Variants in PSMC4 observed in about 807,000 individuals in gnomAD.
PSMC4 encodes the protein proteasome 26S subunit, ATPase 4.
Under a neutral mutation model 48.4 loss-of-function variants are expected in PSMC4, and 13 were observed. The observed-to-expected ratio is 0.27, with a 90% CI of 0.18 to 0.43. The LOEUF (loss-of-function observed/expected upper bound fraction) is 0.43. PSMC4 is among the 20% of genes least tolerant of loss of function. PSMC4 has a pLI of 1.00. For missense variants in PSMC4, 262 were observed against 555.9 expected, an observed-to-expected ratio of 0.47 and a Z score of 5.32; for synonymous variants, 202 against 212.3, an observed-to-expected ratio of 0.95 and a Z score of 0.42.
At chr19:39,979,551 ACT>A (rs897049318) in intron 6 of PSMC4, 5 of 283,760 alleles carry the variant, frequency 1.8e-5, no homozygotes, top group African/African-American at 8.9e-5. Flanking sequence ...ACAGAGCAAG[ACT>A]CTGTCTCCAA....
intron 6 of PSMC4, among the ~76,000 whole-genome samples, chr19:39,978,739 G>A (rs1360559163): frequency 6.6e-6 from 1 of 152,174 alleles, no homozygotes; most frequent in Admixed American, 6.6e-5. Context: ...CCAGGGTCAA[G>A]CATGGGGTGG....
intron 6 of PSMC4, among the ~76,000 whole-genome samples, chr19:39,976,684 A>AC (rs1227314111): frequency 6.0e-5 from 9 of 149,158 alleles, no homozygotes. Context: ...AATTTTTTGT[A>AC]TTTTTTAGTA....
intron 1 of PSMC4, among the ~76,000 whole-genome samples, chr19:39,971,785 G>A (rs73930677): frequency 6.6e-6 from 1 of 152,264 alleles, no homozygotes; most frequent in African/African-American, 2.4e-5. Flanking sequence ...CACTTTAACA[G>A]CCTATCTAGG....
rs1971154343 is a variant in PSMC4, at chr19:39,974,174, G to A, written c.323-120G>A. The A allele has an allele frequency of 2.3e-6, 3 of 1,305,542 alleles. No individual in the cohort carries two copies. The highest frequency in any genetic ancestry group is 3.1e-6 in the Non-Finnish European group (3 of 954,824). 80.9% of individuals were successfully genotyped at this position (1,305,542 alleles called of 1,614,324 possible). A position where few individuals can be genotyped will look rare whatever the true frequency, so the allele number is the denominator to read the frequency against. ...ACAGCAGGAGGGAAGGCTGGAGGCC[G>A]AGAGGGGACCCCTCAGGGTCTGAAC... On this transcript the variant is annotated intron_variant, in intron 3 of 10. Coordinates refer to ENST00000157812, the MANE Select transcript of PSMC4 (RefSeq NM_006503.4). This position sits in a 1 kb window ranked among gnomAD's most constrained non-coding sequence, Gnocchi z 5.5.
intron 6 of PSMC4, among the ~76,000 whole-genome samples, chr19:39,976,028 C>T (rs1432137903): frequency 6.6e-6 from 1 of 151,820 alleles, no homozygotes; most frequent in Non-Finnish European, 1.5e-5. Context: ...GTGGGAGGAT[C>T]ACGAGATCAG....
chr19:39,981,077 G>A (rs1971280143), intron 10 of PSMC4, 115 bp from the exon 11 acceptor site: 7 of 780,022 alleles, frequency 9.0e-6, no homozygotes, highest in South Asian at 4.7e-5. Flanking sequence ...GGCTGGTCTC[G>A]AACTCTTGGG....
chr19:39,972,194 T>C lies in PSMC4; in HGVS notation c.85T>C (p.Phe29Leu), dbSNP rs11542842. Residue 29 changes from phenylalanine to leucine, a missense_variant, in exon 2 of 11, where the codon TTC becomes CTC. Phe to Leu is a conservative substitution (Grantham distance 22, BLOSUM62 0). Transcript: ENST00000157812. ...GTCCCGGCCCCAGACCGGCCTGTCC[T>C]TCCTGGGCCCTGAGCCTGAGGACCT... is the stretch of plus-strand genomic sequence containing the variant. ...SVSRPQTGLS[F>L]LGPEPEDLED... 6.2e-7 allele frequency: 1 copy of C among 1,614,154 alleles called. No individual in the cohort carries two copies. Among genetic ancestry groups the C allele is most frequent in the South Asian group, 1.1e-5 (1 of 91,084 alleles).
At position 39,974,289 on chromosome 19, in the gene PSMC4, C is replaced by G. The variant is rs773057392; in HGVS notation, c.323-5C>G. 1.2e-6 allele frequency: 2 copies of G among 1,613,818 alleles called. No homozygotes were observed. Among genetic ancestry groups the G allele is most frequent in the African/African-American group, 1.3e-5 (1 of 74,898 alleles). On this transcript the variant is annotated splice_polypyrimidine_tract_variant and splice_region_variant and intron_variant, in intron 3 of 10. Coordinates refer to ENST00000157812, the MANE Select transcript of PSMC4 (RefSeq NM_006503.4). This position sits in a 1 kb window ranked among gnomAD's most constrained non-coding sequence, Gnocchi z 5.5. ...CTTCTCGTTTTCCTCTCTCCCTTCT[C>G]GCAGGCTCCAACTATTATGTGCGCA...
rs1461381649 is a variant in PSMC4, at chr19:39,974,518, C to A, written c.470-6C>A. 3 of 1,614,008 alleles carry A rather than the reference C, an allele frequency of 1.9e-6. No individual in the cohort carries two copies. In the South Asian group the frequency reaches 3.3e-5, roughly 18 times the overall value. ...GCCAGGAGCCCCAGCTCTGCTCTCC[C>A]ACCAGACCAGAAGCCAGATGTGATG... is the stretch of plus-strand genomic sequence containing the variant. On this transcript the variant is annotated splice_polypyrimidine_tract_variant and splice_region_variant and intron_variant, in intron 4 of 10. Coordinates refer to ENST00000157812, the MANE Select transcript of PSMC4 (RefSeq NM_006503.4). This position sits in a 1 kb window ranked among gnomAD's most constrained non-coding sequence, Gnocchi z 5.5.
intron 6 of PSMC4, among the ~76,000 whole-genome samples, chr19:39,978,905 G>A (rs765299768): frequency 2.6e-5 from 4 of 152,100 alleles, no homozygotes; most frequent in Admixed American, 2.0e-4. Flanking sequence ...CTAGCTACTC[G>A]GGAGGCTGAA....
At position 39,972,522 on chromosome 19, in the gene PSMC4, G is replaced by C. The variant is rs1971117913; in HGVS notation, c.289G>C (p.Asp97His). The C allele has an allele frequency of 1.2e-6, 2 of 1,613,900 alleles. No homozygotes were observed. Among genetic ancestry groups the C allele is most frequent in the Non-Finnish European group, 1.7e-6 (2 of 1,180,008 alleles). ...LVIGQFLEAVDQNTAIVGSTT... is the reference protein window; with the variant it reads ...LVIGQFLEAVHQNTAIVGSTT... ...CATCGGACAATTTCTGGAGGCTGTG[G>C]ATCAGAATACAGCCATCGTGGGCTC... Residue 97 changes from aspartate (D) to histidine (H), a missense_variant, in exon 3 of 11, where the codon GAT becomes CAT. Physicochemically the swap from Asp to His is moderately conservative, Grantham distance 81 (BLOSUM62 -1). Around this residue, in one of 4 missense-constraint regions of PSMC4, gnomAD observed 131 missense variants for 276.7 expected, o/e 0.47. Transcript: ENST00000157812.
chr19:39,976,342 C>G lies in PSMC4; in HGVS notation c.673+1514C>G, dbSNP rs372049485. 1.2e-4 allele frequency among the ~76,000 whole-genome samples: 15 copies of G among 128,142 alleles called. No homozygotes were observed. In the East Asian group the frequency reaches 3.6e-3, roughly 30 times the overall value. 84.1% of individuals were successfully genotyped at this position (128,142 alleles called of 152,430 possible). ...GCGTGAACCCGGGAGGCGGAGCTTG[C>G]AGTGAGCCGAGATGGCGCCACTGCA... On this transcript the variant is annotated intron_variant, in intron 6 of 10. Coordinates refer to ENST00000157812, the MANE Select transcript of PSMC4 (RefSeq NM_006503.4).
intron 1 of PSMC4, 25 bp from the exon 2 acceptor site, chr19:39,972,121 A>C: frequency 6.3e-7 from 1 of 1,594,534 alleles, no homozygotes; most frequent in Non-Finnish European, 8.6e-7. Context: ...TCTTCTTCCA[A>C]TGTGAGTTAT....
chr19:39,972,106 G>T lies in PSMC4; in HGVS notation c.37-40G>T, dbSNP rs371093187. On this transcript the variant is annotated intron_variant, in intron 1 of 10. Coordinates refer to ENST00000157812, the MANE Select transcript of PSMC4 (RefSeq NM_006503.4). ...TGAAGTTGGGAAGCTTTCATGAGAG[G>T]ACTGTCTTCTTCCAATGTGAGTTAT... 66 of 1,561,710 alleles carry T rather than the reference G, an allele frequency of 4.2e-5. No homozygotes were observed. In the African/African-American group the frequency reaches 7.9e-4, roughly 19 times the overall value.
chr19:39,974,270 G>A lies in PSMC4; in HGVS notation c.323-24G>A, dbSNP rs116042896. ...GGCAGTTTCCAGGCTGACACTTCTC[G>A]TTTTCCTCTCTCCCTTCTCGCAGGC... On this transcript the variant is annotated intron_variant, in intron 3 of 10. Transcript: ENST00000157812. The surrounding 1 kb of genome is among the most constrained non-coding windows in gnomAD (Gnocchi z 5.5). 9.7e-4 allele frequency: 1,567 copies of A among 1,612,410 alleles called. 10 individuals carry two copies. In the African/African-American group the frequency reaches 0.018, roughly 19 times the overall value.
intron 1 of PSMC4, 61 bp downstream of exon 1, chr19:39,971,299 G>T: frequency 1.9e-6 from 3 of 1,600,282 alleles, no homozygotes; most frequent in South Asian, 2.2e-5. Context: ...GGTGAAGCCA[G>T]ACCTGAGTGG....
At chr19:39,979,587 T>G (rs1420557729) in intron 6 of PSMC4, 1 of 373,116 alleles carries the variant, frequency 2.7e-6, no homozygotes, top group Non-Finnish European at 4.7e-6. Flanking sequence ...GTGACACATT[T>G]GTAAGGATGA....
intron 1 of PSMC4, 138 bp downstream of exon 1, chr19:39,971,376 T>C: frequency 2.9e-6 from 3 of 1,048,072 alleles, no homozygotes; most frequent in Non-Finnish European, 1.4e-6. Context: ...GTGGAGAGCT[T>C]TGTGCCATTC....
Position 39,974,490 on chromosome 19 carries a change from C to T in PSMC4, c.470-34C>T, listed in dbSNP as rs1971162532. The T allele has an allele frequency of 6.2e-7, 1 of 1,613,286 alleles. No individual in the cohort carries two copies. The highest frequency in any genetic ancestry group is 2.2e-5 in the East Asian group (1 of 44,848). On this transcript the variant is annotated intron_variant, in intron 4 of 10. Transcript: ENST00000157812. The surrounding 1 kb of genome is among the most constrained non-coding windows in gnomAD (Gnocchi z 5.5). ...AGGGCCCCATGGGGACCTTGAGGAC[C>T]TGGCCAGGAGCCCCAGCTCTGCTCT...
Sources: allele counts gnomAD v4.1 joint callset (sites outside exome capture counted in the v4.1 genomes callset), GRCh38; gene constraint gnomAD v4.1.1; regional missense constraint gnomAD v4.1.1; non-coding constraint Gnocchi (gnomAD v3.1); transcripts MANE v1.5; gene names NCBI Gene and HGNC (gene_info 2026-07-23, HGNC 2026-07-21).